Variants in CSMD1 observed in about 807,000 individuals in gnomAD.
CSMD1 encodes the protein CUB and sushi domain-containing protein 1.
CSMD1 carries 213 observed loss-of-function variants against 417.5 expected under a neutral mutation model. The observed-to-expected ratio is 0.51, with a 90% CI of 0.46 to 0.57. The LOEUF is 0.57. Ranked by LOEUF, CSMD1 falls within the 20% of genes least tolerant of loss-of-function variation. The pLI, the probability that CSMD1 is intolerant of heterozygous loss-of-function variation, is 0.00. For missense variants in CSMD1, 6,923 were observed against 4,529.7 expected (o/e 1.53, Z -15.17); for synonymous variants, 2,862 against 1,736.8 (o/e 1.65, Z -16.11).
intron 3 of CSMD1, among the ~76,000 whole-genome samples, chr8:4,229,382 G>A (rs1446990028): frequency 6.6e-6 from 1 of 152,266 alleles, no homozygotes; most frequent in South Asian, 2.1e-4. Context: ...GCAGCCCTAA[G>A]ATTCTCTTAG....
intron 3 of CSMD1, among the ~76,000 whole-genome samples, chr8:4,114,172 C>G (rs1802010513): frequency 6.6e-6 from 1 of 152,174 alleles, no homozygotes; most frequent in African/African-American, 2.4e-5. Flanking sequence ...AAAGGACAGC[C>G]TGACTCCTCT....
At chr8:4,037,326 C>T (rs1419986753) in intron 3 of CSMD1, among the ~76,000 whole-genome samples, 1 of 152,116 alleles carries the variant, frequency 6.6e-6, no homozygotes, top group Non-Finnish European at 1.5e-5. Context: ...CACATTTTCC[C>T]AGAACCTACC....
At chr8:3,805,631 C>G (rs911782878) in intron 5 of CSMD1, among the ~76,000 whole-genome samples, 22 of 152,210 alleles carry the variant, frequency 1.4e-4, no homozygotes, top group African/African-American at 5.3e-4. Context: ...AGGATATTAC[C>G]TTGGTGGGGA....
At chr8:3,439,240 A>T (rs1289797333) in intron 12 of CSMD1, among the ~76,000 whole-genome samples, 1 of 130,128 alleles carries the variant, frequency 7.7e-6, no homozygotes, top group East Asian at 2.4e-4. Flanking sequence ...GCAATGTTTG[A>T]GTGACTCAAC....
chr8:3,387,110 G>A (rs991376007), intron 18 of CSMD1, among the ~76,000 whole-genome samples: 5 of 152,116 alleles, frequency 3.3e-5, no homozygotes, highest in South Asian at 2.1e-4. Context: ...GACACGGACT[G>A]TAGACTGAGA....
At chr8:3,638,734 T>C (rs777653783) in intron 7 of CSMD1, among the ~76,000 whole-genome samples, 22 of 152,160 alleles carry the variant, frequency 1.4e-4, no homozygotes, top group Non-Finnish European at 2.8e-4. Flanking sequence ...AGAATGTAGC[T>C]GTGAACTCAA....
At chr8:4,319,923 G>T (rs1176007284) in intron 3 of CSMD1, among the ~76,000 whole-genome samples, 2 of 152,106 alleles carry the variant, frequency 1.3e-5, no homozygotes, top group Non-Finnish European at 2.9e-5. Context: ...GCAGTAGGGA[G>T]TCATCTTCAG....
At chr8:4,774,841 T>G (rs1317404908) in intron 1 of CSMD1, among the ~76,000 whole-genome samples, 5 of 152,134 alleles carry the variant, frequency 3.3e-5, no homozygotes, top group Admixed American at 6.6e-5. Flanking sequence ...TGGAGGCATG[T>G]GAAGTGTTGA....
chr8:3,542,817 A>C (rs7007750), intron 10 of CSMD1, among the ~76,000 whole-genome samples: 1,762 of 152,310 alleles, frequency 0.012, 40 homozygotes, highest in African/African-American at 0.04. Flanking sequence ...TTAGCTAAGC[A>C]AGATCCATAA....
intron 25 of CSMD1, among the ~76,000 whole-genome samples, chr8:3,302,061 T>A (rs896044800): frequency 4.6e-5 from 7 of 151,940 alleles, no homozygotes; most frequent in African/African-American, 1.7e-4. Flanking sequence ...GGAGGAGAAA[T>A]AAGCAACAGC....
At chr8:3,099,962 C>A (rs1420556338) in intron 46 of CSMD1, among the ~76,000 whole-genome samples, 1 of 152,126 alleles carries the variant, frequency 6.6e-6, no homozygotes, top group East Asian at 1.9e-4. Flanking sequence ...TCTTAAAATA[C>A]TTAGCAATAC....
intron 23 of CSMD1, among the ~76,000 whole-genome samples, chr8:3,314,360 C>A (rs1394024869): frequency 6.6e-6 from 1 of 152,190 alleles, no homozygotes; most frequent in Non-Finnish European, 1.5e-5. Context: ...AGACTTTTGA[C>A]TGATCAATTT....
At chr8:3,029,039 G>C (rs181597133) in intron 51 of CSMD1, among the ~76,000 whole-genome samples, 7 of 152,196 alleles carry the variant, frequency 4.6e-5, no homozygotes, top group African/African-American at 7.2e-5. Flanking sequence ...TTACACATAG[G>C]TTTGTATTTG....
intron 5 of CSMD1, among the ~76,000 whole-genome samples, chr8:3,936,715 T>C (rs1396263047): frequency 6.6e-6 from 1 of 152,204 alleles, no homozygotes; most frequent in African/African-American, 2.4e-5. Flanking sequence ...TACTAGGAGA[T>C]TAATGTTTTC....
intron 21 of CSMD1, among the ~76,000 whole-genome samples, chr8:3,351,054 T>C (rs1291657075): frequency 1.3e-5 from 2 of 152,258 alleles, no homozygotes. Context: ...TCTCACTTTA[T>C]ATTCACAGCT....
chr8:4,703,258 G>A (rs956004455), intron 1 of CSMD1, among the ~76,000 whole-genome samples: 4 of 152,180 alleles, frequency 2.6e-5, no homozygotes, highest in Admixed American at 6.5e-5. Context: ...CAATGATGGT[G>A]GAAGTGTGTG....
At chr8:3,052,376 C>T (rs952282313) in intron 50 of CSMD1, 86 bp downstream of exon 50, 2 of 1,003,660 alleles carry the variant, frequency 2.0e-6, no homozygotes, top group Admixed American at 2.7e-5. Flanking sequence ...GAGAGGACCT[C>T]TGAACGTGGG....
chr8:4,282,032 T>C (rs1049102413), intron 3 of CSMD1, among the ~76,000 whole-genome samples: 1 of 152,226 alleles, frequency 6.6e-6, no homozygotes, highest in Non-Finnish European at 1.5e-5. Flanking sequence ...GATTAGCCTT[T>C]GTTATAAACA....
Position 2,950,311 on chromosome 8 carries a change from G to A in CSMD1, c.10234C>T (p.Leu3412=). Residue 3412 remains leucine (L), a synonymous_variant, in exon 67 of 70, where the codon CTG becomes TTG. Coordinates refer to ENST00000635120, the MANE Select transcript of CSMD1 (RefSeq NM_033225.6). The part of the protein sequence containing the change: ...IYKKEEAHLL[L]KAFQIKGQAD... ...TGGCCTTTAATTTGAAAAGCTTTCA[G>A]GAGTAAGTGGGCCTCCTCCTTCTTG... 6.2e-7 allele frequency: 1 copy of A among 1,613,362 alleles called. No homozygotes were observed. Among genetic ancestry groups the A allele is most frequent in the Non-Finnish European group, 8.5e-7 (1 of 1,179,356 alleles).
Sources: gnomAD v4.1 joint callset for allele counts (sites outside exome capture counted in the v4.1 genomes callset) on GRCh38, gnomAD v4.1.1 for gene constraint, MANE v1.5 for transcripts, NCBI Gene and HGNC (gene_info 2026-07-23, HGNC 2026-07-21) for gene names.